Variants in MACROD2 observed in about 807,000 individuals in gnomAD.
MACROD2 encodes ADP-ribose glycohydrolase MACROD2.
MACROD2 carries 36 observed loss-of-function variants against 70.4 expected under a neutral mutation model. The ratio of observed to expected loss-of-function variants is 0.51; its 90% CI spans 0.39 to 0.68. The LOEUF is 0.68. Ranked by LOEUF, MACROD2 falls within the 30% of genes least tolerant of loss-of-function variation. The pLI is 0.00. For synonymous variants in MACROD2, 172 were observed against 178.8 expected (o/e 0.96, Z 0.30); for missense variants, 496 against 538.4 (o/e 0.92, Z 0.78).
intron 10 of MACROD2, among the ~76,000 whole-genome samples, chr20:15,895,746 G>A (rs2064961624): frequency 6.6e-6 from 1 of 152,228 alleles, no homozygotes. Flanking sequence ...TACAGCCTGA[G>A]TTCCACAGGA....
intron 6 of MACROD2, among the ~76,000 whole-genome samples, chr20:15,348,667 G>A (rs1475568122): frequency 3.3e-5 from 5 of 152,126 alleles, no homozygotes; most frequent in Admixed American, 2.6e-4. Context: ...CATCTTACAT[G>A]GTGGGAAGCA....
chr20:14,809,805 C>T (rs1201859216), intron 5 of MACROD2, among the ~76,000 whole-genome samples: 1 of 152,050 alleles, frequency 6.6e-6, no homozygotes, highest in Non-Finnish European at 1.5e-5. Context: ...AGTATAAACA[C>T]CTCTATGCAA....
chr20:14,070,250 T>C (rs549427608), intron 2 of MACROD2, among the ~76,000 whole-genome samples: 11 of 152,262 alleles, frequency 7.2e-5, no homozygotes, highest in African/African-American at 2.4e-4. Context: ...TCTTCTAATA[T>C]AACATCTATA....
chr20:14,862,039 T>TTA (rs1284665446), intron 5 of MACROD2, among the ~76,000 whole-genome samples: 5 of 8,614 alleles, frequency 5.8e-4, no homozygotes, highest in Non-Finnish European at 9.6e-4. Context: ...TTATATATAT[T>TTA]TATATATATA....
chr20:15,629,410 G>C (rs780890876), intron 8 of MACROD2, among the ~76,000 whole-genome samples: 1 of 152,208 alleles, frequency 6.6e-6, no homozygotes, highest in Non-Finnish European at 1.5e-5. Context: ...AAGAGATTAT[G>C]AAAGACGCCT....
At chr20:14,938,686 C>T (rs955581418) in intron 5 of MACROD2, among the ~76,000 whole-genome samples, 3 of 151,930 alleles carry the variant, frequency 2.0e-5, no homozygotes, top group Admixed American at 6.6e-5. Context: ...GAGGCTGGGG[C>T]GGGAGGATCA....
chr20:14,368,551 A>AC (rs1306080480), intron 3 of MACROD2, among the ~76,000 whole-genome samples: 9 of 151,886 alleles, frequency 5.9e-5, no homozygotes, highest in African/African-American at 1.2e-4. Context: ...TCAAAAAAAA[A>AC]ACACACACAC....
intron 3 of MACROD2, among the ~76,000 whole-genome samples, chr20:14,182,671 G>A (rs948843159): frequency 6.6e-5 from 10 of 152,080 alleles, no homozygotes; most frequent in African/African-American, 2.4e-4. Flanking sequence ...TTTTATATGT[G>A]ATGAAGGTCC....
intron 5 of MACROD2, among the ~76,000 whole-genome samples, chr20:14,788,645 T>A (rs1314309706): frequency 6.6e-6 from 1 of 151,430 alleles, no homozygotes; most frequent in African/African-American, 2.4e-5. Flanking sequence ...TTTTAAGTAG[T>A]TTGACTTAAA....
chr20:14,207,800 G>T (rs1488463730), intron 3 of MACROD2, among the ~76,000 whole-genome samples: 1 of 152,110 alleles, frequency 6.6e-6, no homozygotes, highest in Non-Finnish European at 1.5e-5. Flanking sequence ...ATAGCCGTGG[G>T]TCATACAATT....
chr20:15,974,062 G>A (rs1313604454), intron 13 of MACROD2, among the ~76,000 whole-genome samples: 1 of 152,194 alleles, frequency 6.6e-6, no homozygotes, highest in Non-Finnish European at 1.5e-5. Flanking sequence ...GGTAGTCCTT[G>A]CTATAGGAAT....
At chr20:15,425,690 G>C (rs529508492) in intron 6 of MACROD2, among the ~76,000 whole-genome samples, 6 of 152,288 alleles carry the variant, frequency 3.9e-5, no homozygotes, top group African/African-American at 1.4e-4. Flanking sequence ...CTATGGAGGG[G>C]AAGGTATGCT....
rs1262071400 is a variant in MACROD2, at chr20:15,863,069, C to A, written c.727+243C>A. 3.3e-5 allele frequency among the ~76,000 whole-genome samples: 5 copies of A among 152,000 alleles called. No homozygotes were observed. In the East Asian group the frequency reaches 7.8e-4, roughly 24 times the overall value. On this transcript the variant is annotated intron_variant, in intron 9 of 17. Coordinates refer to ENST00000684519, the MANE Select transcript of MACROD2 (RefSeq NM_001351661.2). ...TCTCTTGGTTCTCGGTGCCTCACAT[C>A]AAAACTGAGGGGCTAATTATTAATA...
intron 4 of MACROD2, among the ~76,000 whole-genome samples, chr20:14,564,504 A>C (rs1367464920): frequency 6.6e-6 from 1 of 152,022 alleles, no homozygotes; most frequent in Non-Finnish European, 1.5e-5. Context: ...CTCAACAAGA[A>C]AAAAACAAAT....
intron 5 of MACROD2, among the ~76,000 whole-genome samples, chr20:14,873,571 A>C (rs2073513907): frequency 6.6e-6 from 1 of 152,166 alleles, no homozygotes; most frequent in South Asian, 2.1e-4. Context: ...GTTTCTAAAA[A>C]TTTATTCAGG....
chr20:14,015,437 A>G (rs1452271377), intron 2 of MACROD2, among the ~76,000 whole-genome samples: 1 of 152,128 alleles, frequency 6.6e-6, no homozygotes, highest in Non-Finnish European at 1.5e-5. Flanking sequence ...TTCAAAAAAA[A>G]CTGGTGGTGT....
chr20:15,671,441 C>T (rs1028186140), intron 8 of MACROD2, among the ~76,000 whole-genome samples: 4 of 152,006 alleles, frequency 2.6e-5, no homozygotes, highest in East Asian at 1.9e-4. Flanking sequence ...CCGTTTTTAT[C>T]GTCTCCCATG....
At chr20:14,002,990 G>A (rs773562223) in intron 2 of MACROD2, among the ~76,000 whole-genome samples, 2 of 152,134 alleles carry the variant, frequency 1.3e-5, no homozygotes, top group South Asian at 4.1e-4. Flanking sequence ...AAAAAGGTAC[G>A]TGAAAAAGTT....
intron 3 of MACROD2, among the ~76,000 whole-genome samples, chr20:14,089,831 T>A (rs2054124414): frequency 6.6e-6 from 1 of 152,166 alleles, no homozygotes; most frequent in Non-Finnish European, 1.5e-5. Context: ...TGTAAACTTC[T>A]CCCAATGGTG....
Sources: allele counts gnomAD v4.1 joint callset (sites outside exome capture counted in the v4.1 genomes callset), GRCh38; gene constraint gnomAD v4.1.1; transcripts MANE v1.5; gene names NCBI Gene and HGNC (gene_info 2026-07-23, HGNC 2026-07-21).